Variants in BOC observed in about 807,000 individuals in gnomAD.
BOC encodes BOC cell adhesion associated, oncogene regulated.
In BOC, 76 loss-of-function variants were observed where a neutral mutation model predicts 112.0. That is an observed-to-expected ratio of 0.68 (90% CI 0.56 to 0.82). BOC has a LOEUF of 0.82. BOC is among the 40% of genes least tolerant of loss of function. The pLI, the probability that BOC is intolerant of heterozygous loss-of-function variation, is 0.00. For missense variants in BOC, 1,309 were observed against 1,511.7 expected (o/e 0.87, Z 2.22); for synonymous variants, 580 against 599.8 (o/e 0.97, Z 0.48).
In BOC at chr3:113,270,667, G is replaced by A. The variant is rs183584265; in HGVS notation, c.524-134G>A. ...GGCATCTTAGGCTTTGTCTTGTGGG[G>A]ACTCAGGTGGACATCAGCTCCTAGT... On this transcript the variant is annotated intron_variant, in intron 5 of 19. Coordinates refer to ENST00000682979, the MANE Select transcript of BOC (RefSeq NM_001378074.1). The A allele has an allele frequency of 1.2e-4, 116 of 969,386 alleles. No homozygotes were observed. In the Middle Eastern group the frequency reaches 1.4e-3, roughly 12 times the overall value. The allele number at this position is 969,386 out of a possible 1,614,324, so 60.0% of individuals were successfully genotyped here.
At chr3:113,266,230 G>A (rs532096885) in intron 4 of BOC, among the ~76,000 whole-genome samples, 1 of 151,976 alleles carries the variant, frequency 6.6e-6, no homozygotes, top group Non-Finnish European at 1.5e-5. Flanking sequence ...TGTGTGTGTG[G>A]GTACATAGTA....
chr3:113,227,982 T>C (rs914021622), intron 2 of BOC, among the ~76,000 whole-genome samples: 2 of 152,144 alleles, frequency 1.3e-5, no homozygotes, highest in Non-Finnish European at 2.9e-5. Flanking sequence ...GTAATCCAGC[T>C]TTTCTACCAC....
At chr3:113,256,273 C>A (rs1437563257) in intron 4 of BOC, among the ~76,000 whole-genome samples, 1 of 152,144 alleles carries the variant, frequency 6.6e-6, no homozygotes, top group Non-Finnish European at 1.5e-5. Context: ...TAACCAGAAC[C>A]AATAGAGGGC....
chr3:113,218,492 T>C (rs1559797312), intron 2 of BOC, among the ~76,000 whole-genome samples: 1 of 152,174 alleles, frequency 6.6e-6, no homozygotes, highest in Non-Finnish European at 1.5e-5. Flanking sequence ...CCCTCTTACA[T>C]AGCTGTGCCC....
At chr3:113,239,663 C>A (rs974075520) in intron 2 of BOC, among the ~76,000 whole-genome samples, 1 of 152,222 alleles carries the variant, frequency 6.6e-6, no homozygotes, top group African/African-American at 2.4e-5. Flanking sequence ...AGGTTCAGAG[C>A]ATACTTGGTG....
At chr3:113,258,052 A>G (rs987413393) in intron 4 of BOC, among the ~76,000 whole-genome samples, 30 of 152,238 alleles carry the variant, frequency 2.0e-4, no homozygotes, top group Non-Finnish European at 3.8e-4. Context: ...AGAAATGTGA[A>G]CAGATTTTAA....
chr3:113,279,308 AC>A lies in BOC; in HGVS notation c.1878del (p.Trp627GlyfsTer21). 6.2e-7 allele frequency: 1 copy of A among 1,614,056 alleles called. No individual in the cohort carries two copies. The highest frequency in any genetic ancestry group is 2.2e-5 in the East Asian group (1 of 44,854). On this transcript the variant is annotated frameshift_variant, in exon 12 of 20. Transcript: ENST00000682979. LOFTEE classifies it high-confidence loss of function. The stretch of plus-strand genomic sequence containing the variant: ...GGCCTCCGAGACCTCAGTGTACGTG[AC>A]CTGGATTCCCCGTGGGAATGGTGGG... ...STASETSVYV[T>X]WIPRGNGGFP...
intron 2 of BOC, among the ~76,000 whole-genome samples, chr3:113,221,188 C>T (rs760772635): frequency 2.0e-5 from 3 of 152,102 alleles, no homozygotes; most frequent in Non-Finnish European, 2.9e-5. Flanking sequence ...ATAAAGCACA[C>T]GAAATGCGTT....
At chr3:113,215,286 C>A (rs1004761778) in intron 1 of BOC, among the ~76,000 whole-genome samples, 5 of 152,044 alleles carry the variant, frequency 3.3e-5, no homozygotes, top group Admixed American at 3.3e-4. Context: ...TTCTTTGGAG[C>A]CCTCAGGGTT....
chr3:113,279,691 G>T (rs1949007471), intron 12 of BOC, 133 bp from the exon 13 acceptor site: 2 of 983,918 alleles, frequency 2.0e-6, no homozygotes, highest in Admixed American at 5.5e-5. Flanking sequence ...GGGTGTTCTT[G>T]TGAGGCCTTT....
At chr3:113,240,690 T>C (rs1427130247) in intron 2 of BOC, among the ~76,000 whole-genome samples, 1 of 152,258 alleles carries the variant, frequency 6.6e-6, no homozygotes, top group African/African-American at 2.4e-5. Flanking sequence ...TTACAACTTA[T>C]AAAAACTATC....
Position 113,274,082 on chromosome 3 carries a change from G to T in BOC, c.1235-293G>T, listed in dbSNP as rs913906303. 6.6e-6 allele frequency among the ~76,000 whole-genome samples: 1 copy of T among 152,172 alleles called. No homozygotes were observed. Among genetic ancestry groups the T allele is most frequent in the Non-Finnish European group, 1.5e-5 (1 of 68,026 alleles). On this transcript the variant is annotated intron_variant, in intron 8 of 19. Transcript: ENST00000682979. This position sits in a 1 kb window ranked among gnomAD's most constrained non-coding sequence, Gnocchi z 4.8. ...GGTTCCTGGGCCTCGGGAGAAAATT[G>T]AGTTAGTTCACTGGAGATGCACCTC...
chr3:113,257,553 T>A (rs866581454), intron 4 of BOC, among the ~76,000 whole-genome samples: 5 of 151,640 alleles, frequency 3.3e-5, no homozygotes, highest in South Asian at 2.1e-4. Flanking sequence ...ACCTATGTCT[T>A]GATTTTTTCT....
chr3:113,279,919 G>A lies in BOC; in HGVS notation c.2119G>A (p.Gly707Ser), dbSNP rs749023406. 6 of 1,614,008 alleles carry A rather than the reference G, an allele frequency of 3.7e-6. No homozygotes were observed. The highest frequency in any genetic ancestry group is 2.2e-5 in the East Asian group (1 of 44,868). ...SRPYVVSGYS[G>S]RVYERPVAGP... is the part of the protein sequence containing the mutation. ...GCCCTACGTGGTGTCGGGCTACAGC[G>A]GTCGCGTGTACGAGAGGCCCGTGGC... Residue 707 changes from glycine (G) to serine (S), a missense_variant, in exon 13 of 20, where the codon GGT becomes AGT. Physicochemically the swap from Gly to Ser is moderately conservative, Grantham distance 56 (BLOSUM62 0). Coordinates refer to ENST00000682979, the MANE Select transcript of BOC (RefSeq NM_001378074.1).
Position 113,274,628 on chromosome 3 carries a change from G to A in BOC, c.1488G>A (p.Arg496=). ...CATATGAACTGGTGTGGCGGCCTCG[G>A]CATGAGGGCAGTGGCCGGGCGCCAA... is the stretch of plus-strand genomic sequence containing the variant. ...TDSYELVWRP[R]HEGSGRAPIL... Residue 496 remains arginine (R), a synonymous_variant, in exon 9 of 20, where the codon CGG becomes CGA. Transcript: ENST00000682979. The surrounding 1 kb of genome is among the most constrained non-coding windows in gnomAD (Gnocchi z 4.8). 6.2e-7 allele frequency: 1 copy of A among 1,610,334 alleles called. No individual in the cohort carries two copies. The highest frequency in any genetic ancestry group is 8.5e-7 in the Non-Finnish European group (1 of 1,177,478).
At chr3:113,225,079 A>G (rs1468735405) in intron 2 of BOC, among the ~76,000 whole-genome samples, 1 of 151,824 alleles carries the variant, frequency 6.6e-6, no homozygotes, top group Non-Finnish European at 1.5e-5. Context: ...TCCGTCTCAA[A>G]AACAAAAACA....
At chr3:113,281,206 C>T in intron 15 of BOC, 53 bp downstream of exon 15, 6 of 1,600,762 alleles carry the variant, frequency 3.7e-6, no homozygotes, top group Non-Finnish European at 4.3e-6. Flanking sequence ...CGAGGGAAGG[C>T]AGAGTCACCA....
At chr3:113,283,685 C>A (rs911070980) in intron 16 of BOC, 53 bp downstream of exon 16, 2 of 1,531,066 alleles carry the variant, frequency 1.3e-6, no homozygotes, top group African/African-American at 2.8e-5. Flanking sequence ...ATGGGGGCTC[C>A]ACTAAGGAGG....
intron 2 of BOC, among the ~76,000 whole-genome samples, chr3:113,247,887 G>A (rs1341542802): frequency 1.3e-5 from 2 of 152,116 alleles, no homozygotes; most frequent in East Asian, 1.9e-4. Context: ...CTACACCAAC[G>A]GGAAATTATC....
Sources: gnomAD v4.1 joint callset for allele counts (sites outside exome capture counted in the v4.1 genomes callset) on GRCh38, gnomAD v4.1.1 for gene constraint, Gnocchi (gnomAD v3.1) non-coding constraint, MANE v1.5 for transcripts, NCBI Gene and HGNC (gene_info 2026-07-23, HGNC 2026-07-21) for gene names.